YAP1: variants seen among roughly 807,000 people sequenced by gnomAD.
The protein encoded by YAP1 is Yes1 associated transcriptional regulator.
YAP1 carries 5 observed loss-of-function variants against 56.9 expected under a neutral mutation model. The ratio of observed to expected loss-of-function variants is 0.09; its 90% CI spans 0.05 to 0.18. The LOEUF is 0.18. Among genes scored for constraint, YAP1 ranks in the 10% least tolerant of loss-of-function variants. The pLI, the probability that YAP1 is intolerant of heterozygous loss-of-function variation, is 1.00. For synonymous variants in YAP1, 265 were observed against 248.1 expected, an observed-to-expected ratio of 1.07 and a Z score of -0.64; for missense variants, 539 against 651.8, an observed-to-expected ratio of 0.83 and a Z score of 1.88.
intron 2 of YAP1, among the ~76,000 whole-genome samples, chr11:102,122,718 AC>A (rs1462509478): frequency 2.0e-5 from 3 of 151,734 alleles, no homozygotes; most frequent in Admixed American, 6.6e-5. Context: ...ACATGGTGAA[AC>A]CCCATCTCTA....
At chr11:102,193,275 TATAGA>T (rs1372935628) in intron 4 of YAP1, among the ~76,000 whole-genome samples, 2 of 152,112 alleles carry the variant, frequency 1.3e-5, no homozygotes, top group Non-Finnish European at 1.5e-5. Context: ...TACATAAGAT[TATAGA>T]ATAGATTTCA....
intron 2 of YAP1, among the ~76,000 whole-genome samples, chr11:102,133,734 T>C (rs1944508304): frequency 6.6e-6 from 1 of 152,348 alleles, no homozygotes; most frequent in African/African-American, 2.4e-5. Flanking sequence ...TCTGCTGTTT[T>C]GTAGGAAGCC....
chr11:102,144,894 T>C (rs1256041118), intron 2 of YAP1, among the ~76,000 whole-genome samples: 1 of 151,128 alleles, frequency 6.6e-6, no homozygotes, highest in South Asian at 2.1e-4. Flanking sequence ...ACACTCATGC[T>C]CACACACTCA....
At chr11:102,141,503 A>G (rs1945022308) in intron 2 of YAP1, among the ~76,000 whole-genome samples, 1 of 152,186 alleles carries the variant, frequency 6.6e-6, no homozygotes, top group African/African-American at 2.4e-5. Context: ...ACAATGTGGT[A>G]AGCCCTAAGT....
chr11:102,214,778 TC>T (rs1157813579), intron 6 of YAP1, among the ~76,000 whole-genome samples: 11 of 152,212 alleles, frequency 7.2e-5, no homozygotes, highest in Admixed American at 2.0e-4. Context: ...ACTTGCCTCT[TC>T]CTTGTTATTT....
intron 3 of YAP1, among the ~76,000 whole-genome samples, chr11:102,184,252 T>G (rs1330582993): frequency 6.6e-6 from 1 of 152,204 alleles, no homozygotes; most frequent in Admixed American, 6.5e-5. Context: ...CTTTTTATAA[T>G]TCAGCCATTT....
intron 1 of YAP1, chr11:102,112,486 G>C (rs1271149034): frequency 4.9e-5 from 46 of 936,300 alleles, no homozygotes; most frequent in Admixed American, 4.7e-4. Flanking sequence ...TAGGAACTTT[G>C]CCCAAAAGTT....
At chr11:102,199,383 T>A (rs1948730104) in intron 4 of YAP1, among the ~76,000 whole-genome samples, 1 of 152,208 alleles carries the variant, frequency 6.6e-6, no homozygotes. Flanking sequence ...TACATGAGGT[T>A]GTTGGTGCCT....
chr11:102,229,738 A>C lies in YAP1; in HGVS notation c.1313A>C (p.Gln438Pro). The C allele has an allele frequency of 6.2e-7, 1 of 1,614,176 alleles. No individual in the cohort carries two copies. Among genetic ancestry groups the C allele is most frequent in the Non-Finnish European group, 8.5e-7 (1 of 1,179,996 alleles). ...AACCAAAGCACCCTGCCCTCACAGC[A>C]GAACCGTTTCCCAGACTACCTTGAA... The part of the protein sequence containing the change: ...TINQSTLPSQ[Q>P]NRFPDYLEAI... Residue 438 changes from glutamine to proline, a missense_variant, in exon 9 of 9, where the codon CAG (glutamine) becomes CCG (proline). By Grantham distance (76) the Gln-to-Pro change is moderately conservative. Transcript: ENST00000282441.
intron 3 of YAP1, 112 bp downstream of exon 3, chr11:102,162,683 A>G (rs1353913212): frequency 9.0e-6 from 9 of 1,005,206 alleles, no homozygotes; most frequent in Non-Finnish European, 1.4e-5. Context: ...GGTGATGTTT[A>G]TTGTCTCTCC....
intron 2 of YAP1, among the ~76,000 whole-genome samples, chr11:102,125,097 C>T (rs540384648): frequency 5.2e-4 from 78 of 151,288 alleles, no homozygotes; most frequent in African/African-American, 1.8e-3. Flanking sequence ...AATGCAGTGG[C>T]ACGCTCAGGG....
At chr11:102,180,756 T>C (rs1391525607) in intron 3 of YAP1, among the ~76,000 whole-genome samples, 1 of 145,244 alleles carries the variant, frequency 6.9e-6, no homozygotes, top group Non-Finnish European at 1.5e-5. Flanking sequence ...GACATAGATA[T>C]AAAGAAATTT....
intron 6 of YAP1, among the ~76,000 whole-genome samples, chr11:102,214,204 C>A (rs1591440963): frequency 6.6e-6 from 1 of 152,200 alleles, no homozygotes; most frequent in East Asian, 1.9e-4. Flanking sequence ...TATGGGGTTA[C>A]TTTCATTTCT....
At chr11:102,177,591 C>T (rs1424040286) in intron 3 of YAP1, among the ~76,000 whole-genome samples, 2 of 150,726 alleles carry the variant, frequency 1.3e-5, no homozygotes, top group East Asian at 2.0e-4. Context: ...GCAGGAGAAT[C>T]GCTTGAACCC....
intron 8 of YAP1, among the ~76,000 whole-genome samples, chr11:102,228,634 CAAAAAAAAAAAAAAA>C (rs71059544): frequency 6.6e-4 from 21 of 31,646 alleles, no homozygotes; most frequent in South Asian, 1.7e-3. Flanking sequence ...GACTCCGTCT[CAAAAAAAAAAAAAAA>C]AAAAAAAAAA....
At chr11:102,130,820 T>TA (rs1309612708) in intron 2 of YAP1, among the ~76,000 whole-genome samples, 1 of 151,092 alleles carries the variant, frequency 6.6e-6, no homozygotes, top group Admixed American at 6.6e-5. Flanking sequence ...TTCAGACTGA[T>TA]ACAGGTTATG....
chr11:102,133,762 G>A lies in YAP1; in HGVS notation c.572+19368G>A, dbSNP rs75119218. ...AGGAAGCCACATGGAGGTCATTTAC[G>A]GTTACTAGTTATCTTAGTCAGCTTG... On this transcript the variant is annotated intron_variant, in intron 2 of 8. Coordinates refer to ENST00000282441, the MANE Select transcript of YAP1 (RefSeq NM_001130145.3). Among the ~76,000 whole-genome samples, 791 of 152,220 alleles carry A rather than the reference G, an allele frequency of 5.2e-3. 9 individuals carry two copies. The highest frequency in any genetic ancestry group is 0.018 in the African/African-American group (756 of 41,516).
rs148305992 is a variant in YAP1, at chr11:102,158,489, A to G, written c.573-3967A>G. 6.2e-3 allele frequency among the ~76,000 whole-genome samples: 941 copies of G among 152,322 alleles called. 10 individuals carry two copies. The highest frequency in any genetic ancestry group is 0.022 in the African/African-American group (895 of 41,576). The stretch of plus-strand genomic sequence containing the variant: ...GATCTCATTAAACTATAGATTCTTC[A>G]TCAGTGGGTTGGGTGGAGCCTGAGT... On this transcript the variant is annotated intron_variant, in intron 2 of 8. Coordinates refer to ENST00000282441, the MANE Select transcript of YAP1 (RefSeq NM_001130145.3).
chr11:102,195,920 G>T (rs554727491), intron 4 of YAP1, among the ~76,000 whole-genome samples: 134 of 152,314 alleles, frequency 8.8e-4, no homozygotes, highest in African/African-American at 3.1e-3. Flanking sequence ...CCTAGAGTAG[G>T]ATGTTAGAGC....
Sources: gnomAD v4.1 joint callset for allele counts (sites outside exome capture counted in the v4.1 genomes callset) on GRCh38, gnomAD v4.1.1 for gene constraint, MANE v1.5 for transcripts, NCBI Gene and HGNC (gene_info 2026-07-23, HGNC 2026-07-21) for gene names.